The following CREB3L2 variants were observed in gnomAD, a reference collection of about 807,000 sequenced individuals.
The protein encoded by CREB3L2 is cAMP responsive element binding protein 3 like 2, also known as cyclic AMP-responsive element-binding protein 3-like protein 2.
Under a neutral mutation model 57.2 loss-of-function variants are expected in CREB3L2, and 23 were observed. That is an observed-to-expected ratio of 0.40 (90% CI 0.29 to 0.57). CREB3L2 has a LOEUF of 0.57. CREB3L2 is among the 20% of genes least tolerant of loss of function. The pLI is 0.42. For missense variants in CREB3L2, 628 were observed against 634.7 expected (o/e 0.99, Z 0.11); for synonymous variants, 268 against 265.1 (o/e 1.01, Z -0.11).
intron 1 of CREB3L2, among the ~76,000 whole-genome samples, chr7:137,970,900 G>T (rs1018611806): frequency 6.6e-6 from 1 of 152,198 alleles, no homozygotes; most frequent in Non-Finnish European, 1.5e-5. Context: ...GCTTACAGAA[G>T]AAGTGTTTAT....
chr7:137,964,324 A>ACAAAACAAAG (rs569478448), intron 1 of CREB3L2, among the ~76,000 whole-genome samples: 1 of 152,166 alleles, frequency 6.6e-6, no homozygotes, highest in Non-Finnish European at 1.5e-5. Flanking sequence ...CTCAAAACAA[A>ACAAAACAAAG]CAAAACAAAG....
At chr7:137,885,349 G>A (rs1401337112) in intron 9 of CREB3L2, 54 bp downstream of exon 9, 9 of 1,453,026 alleles carry the variant, frequency 6.2e-6, no homozygotes, top group Non-Finnish European at 8.6e-6. Flanking sequence ...AGGGAGAGGG[G>A]AGACAGGGGC....
rs150783808 is a variant in CREB3L2 at position 137,949,660 on chromosome 7, A to G, written c.103-21294T>C. On this transcript the variant is annotated intron_variant, in intron 1 of 11. Coordinates refer to ENST00000330387, the MANE Select transcript of CREB3L2 (RefSeq NM_194071.4). ...AGACGTAAAGCTTGTCAACACCCCA[A>G]TCAAGATTAGAAAAAAAATCTAAGG... Among the ~76,000 whole-genome samples the G allele has an allele frequency of 6.9e-3, 1,049 of 152,268 alleles. 14 individuals are homozygous for G. Among genetic ancestry groups the G allele is most frequent in the African/African-American group, 0.024 (989 of 41,540 alleles).
At chr7:137,891,022 G>A (rs991545468) in intron 8 of CREB3L2, among the ~76,000 whole-genome samples, 14 of 152,102 alleles carry the variant, frequency 9.2e-5, no homozygotes, top group Admixed American at 3.3e-4. Flanking sequence ...TTGGGCTTCC[G>A]GGAACAAAAT....
intron 1 of CREB3L2, among the ~76,000 whole-genome samples, chr7:137,986,603 G>A (rs1801795748): frequency 6.6e-6 from 1 of 152,190 alleles, no homozygotes; most frequent in African/African-American, 2.4e-5. Context: ...CAAAATCCCT[G>A]CTCCTCCTAC....
intron 8 of CREB3L2, among the ~76,000 whole-genome samples, chr7:137,895,733 G>A (rs1799617074): frequency 6.6e-6 from 1 of 151,934 alleles, no homozygotes; most frequent in South Asian, 2.1e-4. Context: ...CCCCTGTGGG[G>A]TATTGTATAG....
At position 137,986,327 on chromosome 7, in the gene CREB3L2, G is replaced by GC. The variant is rs529348436; in HGVS notation, c.102+15276dup. ...TTTTGTTAGACGAGAAAACAGACAA[G>GC]CACACTTATCAGGGCTTCCCAACAG... On this transcript the variant is annotated intron_variant, in intron 1 of 11. Transcript: ENST00000330387. 1.3e-3 allele frequency among the ~76,000 whole-genome samples: 191 copies of GC among 152,356 alleles called. No individual in the cohort carries two copies. In the South Asian group the frequency reaches 0.016, roughly 13 times the overall value.
At chr7:137,929,499 T>A (rs1387661895) in intron 1 of CREB3L2, among the ~76,000 whole-genome samples, 3 of 151,986 alleles carry the variant, frequency 2.0e-5, no homozygotes, top group Non-Finnish European at 4.4e-5. Flanking sequence ...ACTGCCCAAA[T>A]GTCTGTAGGT....
chr7:137,912,649 G>C lies in CREB3L2; in HGVS notation c.583+342C>G, dbSNP rs181678672. On this transcript the variant is annotated intron_variant, in intron 4 of 11. Transcript: ENST00000330387. ...GATGGTTGTTGATTTGTGGGGCTAC[G>C]TAGGGTTCACGCCTGGATGAATAAG... Among the ~76,000 whole-genome samples the C allele has an allele frequency of 4.7e-4, 72 of 152,288 alleles. 1 individual carries two copies. The highest frequency in any genetic ancestry group is 4.4e-4 in the Non-Finnish European group (30 of 68,036).
chr7:137,898,934 G>A (rs1799680873), intron 8 of CREB3L2, among the ~76,000 whole-genome samples: 1 of 147,324 alleles, frequency 6.8e-6, no homozygotes, highest in Non-Finnish European at 1.5e-5. Flanking sequence ...GAGGGAGGGA[G>A]GGAGGGAGGA....
intron 8 of CREB3L2, among the ~76,000 whole-genome samples, chr7:137,887,447 G>A (rs368585291): frequency 1.2e-4 from 19 of 152,166 alleles, no homozygotes; most frequent in East Asian, 1.2e-3. Context: ...GGTGGCTCAC[G>A]CCTGTAATCC....
chr7:137,909,798 G>A (rs989732222), intron 4 of CREB3L2, among the ~76,000 whole-genome samples: 1 of 152,180 alleles, frequency 6.6e-6, no homozygotes, highest in Non-Finnish European at 1.5e-5. Flanking sequence ...ATCTCATCTT[G>A]AATTGTAGCT....
chr7:137,930,917 T>G (rs1196290897), intron 1 of CREB3L2, among the ~76,000 whole-genome samples: 2 of 134,150 alleles, frequency 1.5e-5, no homozygotes, highest in Admixed American at 8.2e-5. Context: ...AATTATGTAG[T>G]CATTCCTTTT....
intron 1 of CREB3L2, among the ~76,000 whole-genome samples, chr7:137,968,921 G>A (rs1051842056): frequency 1.3e-5 from 2 of 152,098 alleles, no homozygotes; most frequent in Non-Finnish European, 1.5e-5. Flanking sequence ...AAGTGAGAAG[G>A]GGCAAAAAGA....
intron 1 of CREB3L2, among the ~76,000 whole-genome samples, chr7:137,966,594 T>A (rs1306991314): frequency 6.6e-6 from 1 of 152,230 alleles, no homozygotes; most frequent in Non-Finnish European, 1.5e-5. Context: ...TTGGAGATTT[T>A]ACAAAGAACA....
Position 137,979,296 on chromosome 7 carries a change from T to C in CREB3L2, c.102+22308A>G, listed in dbSNP as rs114459389. Among the ~76,000 whole-genome samples the C allele has an allele frequency of 4.7e-3, 715 of 152,302 alleles. 3 individuals carry two copies. Among genetic ancestry groups the C allele is most frequent in the African/African-American group, 0.016 (684 of 41,564 alleles). On this transcript the variant is annotated intron_variant, in intron 1 of 11. Transcript: ENST00000330387. ...GAAACTTTTCCTTTTAGCCTGATTT[T>C]CCTGTTCCTACCCTCCAGGGTCAGG...
rs1340534694 is a variant in CREB3L2, at chr7:137,946,914, ATATATATAGT to A, written c.103-18558_103-18549del. Among the ~76,000 whole-genome samples the A allele has an allele frequency of 4.7e-3, 239 of 50,920 alleles. 36 individuals carry two copies. Among genetic ancestry groups the A allele is most frequent in the Admixed American group, 0.016 (61 of 3,842 alleles). 33.4% of individuals were successfully genotyped at this position (50,920 alleles called of 152,430 possible). A position where few individuals can be genotyped will look rare whatever the true frequency, so the allele number is the denominator to read the frequency against. On this transcript the variant is annotated intron_variant, in intron 1 of 11. Coordinates refer to ENST00000330387, the MANE Select transcript of CREB3L2 (RefSeq NM_194071.4). ...TATATATATAGTTATATATATAGTT[ATATATATAGT>A]TATATATATAGTTATATATATAGTT... is the stretch of plus-strand genomic sequence containing the variant.
intron 1 of CREB3L2, among the ~76,000 whole-genome samples, chr7:137,958,759 G>A (rs1200530343): frequency 1.3e-5 from 2 of 152,170 alleles, no homozygotes; most frequent in African/African-American, 4.8e-5. Context: ...GCCACCTGAA[G>A]AGCCTCTAGT....
chr7:137,941,478 A>G (rs889276594), intron 1 of CREB3L2, among the ~76,000 whole-genome samples: 3 of 152,150 alleles, frequency 2.0e-5, no homozygotes, highest in African/African-American at 7.2e-5. Flanking sequence ...TCCTCTCATA[A>G]ACCTCAACCA....
Sources: allele counts gnomAD v4.1 joint callset (sites outside exome capture counted in the v4.1 genomes callset), GRCh38; gene constraint gnomAD v4.1.1; transcripts MANE v1.5; gene names NCBI Gene and HGNC (gene_info 2026-07-23, HGNC 2026-07-21).